MAML2: variants seen among roughly 807,000 people sequenced by gnomAD.
The protein encoded by MAML2 is mastermind-like protein 2.
A neutral mutation model predicts 96.1 loss-of-function variants in MAML2; 22 were observed. The observed-to-expected ratio is 0.23, with a 90% CI of 0.16 to 0.33. The LOEUF is 0.33. MAML2 is among the 10% of genes least tolerant of loss of function. MAML2 has a pLI of 1.00. For missense variants in MAML2, 1,367 were observed against 1,392.4 expected (o/e 0.98, Z 0.29); for synonymous variants, 561 against 521.3 (o/e 1.08, Z -1.04).
chr11:96,308,701 T>C (rs1277110593), intron 1 of MAML2, among the ~76,000 whole-genome samples: 1 of 152,214 alleles, frequency 6.6e-6, no homozygotes, highest in Non-Finnish European at 1.5e-5. Flanking sequence ...TCAGCTTAAA[T>C]TTAAAGAAAC....
rs1857687638 is a variant in MAML2, at chr11:95,978,849, T to C, written c.*99A>G. On this transcript the variant is annotated 3_prime_UTR_variant, in exon 5 of 5. Coordinates refer to ENST00000524717, the MANE Select transcript of MAML2 (RefSeq NM_032427.4). The stretch of plus-strand genomic sequence containing the variant: ...TCCATTTTTAAGCATGTTATCTTCA[T>C]GTAGTCCACCTGAACATCAACAGTT... 3 of 1,076,692 alleles carry C rather than the reference T, an allele frequency of 2.8e-6. No individual in the cohort carries two copies. The highest frequency in any genetic ancestry group is 5.9e-5 in the Admixed American group (2 of 33,928). 66.7% of individuals were successfully genotyped at this position (1,076,692 alleles called of 1,614,324 possible).
chr11:96,177,821 ATAAT>A (rs1175306425), intron 1 of MAML2, among the ~76,000 whole-genome samples: 1 of 152,082 alleles, frequency 6.6e-6, no homozygotes. Context: ...TAGTTTGGGA[ATAAT>A]TAATTTCTTC....
intron 1 of MAML2, among the ~76,000 whole-genome samples, chr11:96,296,814 GA>G (rs1863307279): frequency 2.0e-5 from 3 of 152,184 alleles, no homozygotes; most frequent in African/African-American, 7.2e-5. Flanking sequence ...TGGGGGCCAA[GA>G]AAGTATCCTA....
intron 1 of MAML2, among the ~76,000 whole-genome samples, chr11:96,124,262 G>A (rs887603080): frequency 2.6e-5 from 4 of 152,032 alleles, no homozygotes; most frequent in South Asian, 2.1e-4. Context: ...CATACACAGC[G>A]TTCCTCTGTG....
chr11:96,082,745 C>T (rs1488650892), intron 2 of MAML2, among the ~76,000 whole-genome samples: 1 of 152,092 alleles, frequency 6.6e-6, no homozygotes, highest in Non-Finnish European at 1.5e-5. Flanking sequence ...TCTGGAGGGA[C>T]AAGGTAGCTG....
At chr11:96,039,779 G>A (rs746110327) in intron 2 of MAML2, among the ~76,000 whole-genome samples, 8 of 151,914 alleles carry the variant, frequency 5.3e-5, no homozygotes, top group Non-Finnish European at 8.8e-5. Flanking sequence ...ACCCTAACAC[G>A]GTGAAACCCT....
chr11:96,324,857 T>G (rs1401799776), intron 1 of MAML2, among the ~76,000 whole-genome samples: 1 of 152,192 alleles, frequency 6.6e-6, no homozygotes, highest in Non-Finnish European at 1.5e-5. Flanking sequence ...TAATTCAAGA[T>G]CAAGTTTCTC....
At chr11:96,120,514 C>T (rs1013862283) in intron 1 of MAML2, among the ~76,000 whole-genome samples, 6 of 152,222 alleles carry the variant, frequency 3.9e-5, no homozygotes, top group African/African-American at 7.2e-5. Flanking sequence ...ACACTTTACT[C>T]TTCCATCCTC....
intron 1 of MAML2, among the ~76,000 whole-genome samples, chr11:96,145,866 G>A (rs867742663): frequency 2.6e-5 from 4 of 152,118 alleles, no homozygotes; most frequent in African/African-American, 4.8e-5. Context: ...AAAATTAGCC[G>A]GGCATGGTGG....
chr11:96,093,225 G>A lies in MAML2; in HGVS notation c.806C>T (p.Pro269Leu), dbSNP rs201372993. The stretch of plus-strand genomic sequence containing the variant: ...CTTACTGCAAGACAGAGTCTCTCCT[G>A]GCTCCTTCTTTACCTCCTTTAAGCC... ...NMGLKEVKKE[P>L]GETLSCSKHM... is the part of the protein sequence containing the mutation. Residue 269 changes from proline (P) to leucine (L), a missense_variant, in exon 2 of 5, where the codon CCA becomes CTA. Physicochemically the swap from Pro to Leu is moderately conservative, Grantham distance 98. Transcript: ENST00000524717. 442 of 1,613,886 alleles carry A rather than the reference G, an allele frequency of 2.7e-4. 1 individual carries two copies. The highest frequency in any genetic ancestry group is 9.4e-4 in the South Asian group (86 of 91,080).
chr11:96,110,072 C>G (rs529981474), intron 1 of MAML2, among the ~76,000 whole-genome samples: 2 of 152,046 alleles, frequency 1.3e-5, no homozygotes, highest in Non-Finnish European at 2.9e-5. Context: ...TGAGCAACCT[C>G]GTCAAATGCT....
chr11:96,141,617 A>C (rs1472050191), intron 1 of MAML2, among the ~76,000 whole-genome samples: 1 of 152,168 alleles, frequency 6.6e-6, no homozygotes, highest in Admixed American at 6.5e-5. Context: ...TATCATAGAA[A>C]AAGGGGTGAT....
chr11:96,011,191 C>T (rs1037860361), intron 2 of MAML2, among the ~76,000 whole-genome samples: 1 of 152,164 alleles, frequency 6.6e-6, no homozygotes, highest in Non-Finnish European at 1.5e-5. Flanking sequence ...ATAGAACTAC[C>T]ATTTGACCCA....
At chr11:96,100,986 T>C (rs1859919572) in intron 1 of MAML2, among the ~76,000 whole-genome samples, 1 of 152,070 alleles carries the variant, frequency 6.6e-6, no homozygotes, top group South Asian at 2.1e-4. Context: ...ACTCAAGGTG[T>C]CCTCCTGCCT....
rs948951650 is a variant in MAML2, at chr11:96,118,285, C to T, written c.514-24768G>A. Reference sequence around the variant, plus strand: ...TGGCTCTGTGTCCCCAACCAAATCTCATCTCAAATTGTAATCATTGTAATC... The same window carrying T: ...TGGCTCTGTGTCCCCAACCAAATCTTATCTCAAATTGTAATCATTGTAATC... On this transcript the variant is annotated intron_variant, in intron 1 of 4. Coordinates refer to ENST00000524717, the MANE Select transcript of MAML2 (RefSeq NM_032427.4). Among the ~76,000 whole-genome samples the T allele has an allele frequency of 2.0e-5, 3 of 150,370 alleles. No individual in the cohort carries two copies. The East Asian group carries it at 5.8e-4, about 29-fold the overall frequency.
Position 95,991,856 on chromosome 11 carries a change from A to G in MAML2, c.2140-133T>C. 7.3e-6 allele frequency: 5 copies of G among 686,412 alleles called. No homozygotes were observed. The South Asian group carries it at 9.5e-5, about 13-fold the overall frequency. The allele number at this position is 686,412 out of a possible 1,614,324, so 42.5% of individuals were successfully genotyped here. A position where few individuals can be genotyped will look rare whatever the true frequency, so the allele number is the denominator to read the frequency against. On this transcript the variant is annotated intron_variant, in intron 2 of 4. Coordinates refer to ENST00000524717, the MANE Select transcript of MAML2 (RefSeq NM_032427.4). ...TCAAACATGGTTAAATGGGTTGGAG[A>G]TCAGAGAATCGCTTTTTAAATGTAG...
At chr11:96,100,587 G>C (rs1422292726) in intron 1 of MAML2, among the ~76,000 whole-genome samples, 2 of 152,046 alleles carry the variant, frequency 1.3e-5, no homozygotes, top group African/African-American at 4.8e-5. Flanking sequence ...TGGGATTACA[G>C]GCGTGAGCCA....
chr11:96,078,618 A>G (rs1859483896), intron 2 of MAML2, among the ~76,000 whole-genome samples: 1 of 152,224 alleles, frequency 6.6e-6, no homozygotes, highest in Admixed American at 6.5e-5. Flanking sequence ...GCTAGAGAAC[A>G]GTGCTGGAAG....
Position 96,341,853 on chromosome 11 carries a change from CT to C in MAML2, c.42del (p.Ala17ProfsTer36). Reference protein sequence around the residue: ...TAPPQAPAGGLGGASGAGLLG... With the variant: ...TAPPQAPAGGXGGASGAGLLG... The stretch of plus-strand genomic sequence containing the variant: ...AGGAGCCCCGCCCCAGAGGCCCCCC[CT>C]AGCCCTCCTGCGGGGGCCTGCGGGG... On this transcript the variant is annotated frameshift_variant, in exon 1 of 5. Transcript: ENST00000524717. LOFTEE classifies it high-confidence loss of function. The C allele has an allele frequency of 1.9e-6, 3 of 1,558,246 alleles. No homozygotes were observed. The highest frequency in any genetic ancestry group is 2.6e-6 in the Non-Finnish European group (3 of 1,155,984).
Sources: allele counts gnomAD v4.1 joint callset (sites outside exome capture counted in the v4.1 genomes callset), GRCh38; gene constraint gnomAD v4.1.1; transcripts MANE v1.5; gene names NCBI Gene and HGNC (gene_info 2026-07-23, HGNC 2026-07-21).